The following CACNB4 variants were observed in gnomAD, a reference collection of about 807,000 sequenced individuals.
CACNB4 encodes the protein voltage-dependent L-type calcium channel subunit beta-4.
CACNB4 carries 32 observed loss-of-function variants against 71.2 expected under a neutral mutation model. The observed-to-expected ratio is 0.45, with a 90% CI of 0.34 to 0.60. CACNB4 has a LOEUF of 0.60. Ranked by LOEUF, CACNB4 falls within the 20% of genes least tolerant of loss-of-function variation. CACNB4 has a pLI of 0.01. For synonymous variants in CACNB4, 231 were observed against 236.9 expected (o/e 0.97, Z 0.23); for missense variants, 464 against 647.9 (o/e 0.72, Z 3.08).
At chr2:151,884,989 C>T (rs929548694) in intron 2 of CACNB4, among the ~76,000 whole-genome samples, 5 of 152,182 alleles carry the variant, frequency 3.3e-5, no homozygotes. Context: ...GAATCTGGTC[C>T]TTTGAAAGTT....
chr2:152,023,497 C>T (rs999510159), intron 2 of CACNB4, among the ~76,000 whole-genome samples: 4 of 152,056 alleles, frequency 2.6e-5, no homozygotes, highest in African/African-American at 4.8e-5. Context: ...TGCAATGGCG[C>T]GATCTCAGCT....
intron 2 of CACNB4, among the ~76,000 whole-genome samples, chr2:152,059,528 T>C (rs941277739): frequency 2.6e-5 from 4 of 152,266 alleles, no homozygotes; most frequent in Non-Finnish European, 5.9e-5. Context: ...GCCCCTGTTT[T>C]GGCCAATTTC....
chr2:151,898,256 C>T (rs919333818), intron 2 of CACNB4, among the ~76,000 whole-genome samples: 1 of 152,208 alleles, frequency 6.6e-6, no homozygotes. Context: ...CCTGCTGTCT[C>T]CTCTGGGCTG....
intron 2 of CACNB4, among the ~76,000 whole-genome samples, chr2:151,947,352 G>T (rs1249502365): frequency 6.6e-6 from 1 of 152,116 alleles, no homozygotes; most frequent in East Asian, 1.9e-4. Flanking sequence ...GAATCACGTG[G>T]GGTACTTATT....
chr2:151,877,172 G>A (rs1180018237), intron 4 of CACNB4, among the ~76,000 whole-genome samples: 1 of 150,860 alleles, frequency 6.6e-6, no homozygotes, highest in African/African-American at 2.4e-5. Context: ...GACTAAAGCA[G>A]GGTTCTGCAA....
intron 2 of CACNB4, among the ~76,000 whole-genome samples, chr2:152,007,481 G>A (rs1682794326): frequency 6.6e-6 from 1 of 152,132 alleles, no homozygotes; most frequent in Non-Finnish European, 1.5e-5. Flanking sequence ...TCTTCCTTTG[G>A]GGCCTGGCTT....
intron 2 of CACNB4, among the ~76,000 whole-genome samples, chr2:152,015,170 T>C (rs1683273527): frequency 6.6e-6 from 1 of 152,198 alleles, no homozygotes; most frequent in Non-Finnish European, 1.5e-5. Context: ...TCTCGCTCTG[T>C]TGCCCAGGCT....
At chr2:151,890,514 C>T (rs2099850469) in intron 2 of CACNB4, among the ~76,000 whole-genome samples, 1 of 152,184 alleles carries the variant, frequency 6.6e-6, no homozygotes, top group Admixed American at 6.5e-5. Flanking sequence ...CCTCACACAC[C>T]ATTCCACACA....
chr2:151,848,143 A>G (rs1322785748), intron 12 of CACNB4, among the ~76,000 whole-genome samples: 1 of 152,168 alleles, frequency 6.6e-6, no homozygotes, highest in East Asian at 1.9e-4. Context: ...AAGGTATCCC[A>G]TGCTTCTGTT....
At chr2:151,888,281 G>T (rs1191239428) in intron 2 of CACNB4, among the ~76,000 whole-genome samples, 6 of 152,200 alleles carry the variant, frequency 3.9e-5, no homozygotes, top group African/African-American at 1.4e-4. Context: ...ATGCAACCAG[G>T]CTGGGCATGG....
At chr2:151,865,646 A>C (rs2099842891) in intron 9 of CACNB4, 1 of 152,222 alleles carries the variant, frequency 6.6e-6, no homozygotes, top group Non-Finnish European at 1.5e-5. Context: ...TGTGAAATGA[A>C]GAGAGAAGCT....
At chr2:152,084,887 A>G (rs551674076) in intron 2 of CACNB4, among the ~76,000 whole-genome samples, 1 of 152,112 alleles carries the variant, frequency 6.6e-6, no homozygotes, top group East Asian at 1.9e-4. Context: ...AGCTTCCCAA[A>G]GTGCTGGGAT....
intron 2 of CACNB4, among the ~76,000 whole-genome samples, chr2:151,982,330 C>A (rs1266201470): frequency 6.6e-6 from 1 of 152,034 alleles, no homozygotes; most frequent in African/African-American, 2.4e-5. Context: ...CACATTACAC[C>A]CTTAAAAAGA....
In CACNB4 at chr2:152,098,952, C is replaced by T. The variant is rs1409044962; in HGVS notation, c.60G>A (p.Ser20=). 2 of 1,473,670 alleles carry T rather than the reference C, an allele frequency of 1.4e-6. No individual in the cohort carries two copies. The highest frequency in any genetic ancestry group is 1.8e-6 in the Non-Finnish European group (2 of 1,111,846). 91.3% of individuals were successfully genotyped at this position (1,473,670 alleles called of 1,614,324 possible). ...GTADGPHSPT[S]QVARGTTTRR... ...AAGGGGGAGGAGGGGGCGGTACCTG[C>T]GAGGTGGGGGAGTGCGGCCCGTCCG... is the stretch of plus-strand genomic sequence containing the variant. The change falls in exon 1 of 14, where the codon TCG becomes TCA. Residue 20 remains serine, a synonymous_variant. Coordinates refer to ENST00000539935, the MANE Select transcript of CACNB4 (RefSeq NM_000726.5). The surrounding 1 kb of genome is among the most constrained non-coding windows in gnomAD (Gnocchi z 5.3).
At chr2:151,997,755 T>C (rs988577891) in intron 2 of CACNB4, among the ~76,000 whole-genome samples, 21 of 152,302 alleles carry the variant, frequency 1.4e-4, no homozygotes, top group Non-Finnish European at 2.8e-4. Context: ...CCCCTACAAC[T>C]GTGAGAAAAT....
At chr2:151,911,579 G>GT (rs1553771146) in intron 2 of CACNB4, among the ~76,000 whole-genome samples, 1 of 152,184 alleles carries the variant, frequency 6.6e-6, no homozygotes, top group Non-Finnish European at 1.5e-5. Context: ...CAGTTTGCCA[G>GT]TATTTTATTG....
chr2:152,034,031 G>A (rs1055511679), intron 2 of CACNB4, among the ~76,000 whole-genome samples: 1 of 152,052 alleles, frequency 6.6e-6, no homozygotes, highest in Non-Finnish European at 1.5e-5. Context: ...GGAAAATTAA[G>A]TTCAACAGTT....
chr2:152,063,987 C>A (rs1479106450), intron 2 of CACNB4, among the ~76,000 whole-genome samples: 2 of 152,208 alleles, frequency 1.3e-5, no homozygotes, highest in African/African-American at 2.4e-5. Context: ...CAGGCTGACA[C>A]CCCTGTTCTA....
chr2:151,902,571 T>G (rs1350507083), intron 2 of CACNB4, among the ~76,000 whole-genome samples: 1 of 152,210 alleles, frequency 6.6e-6, no homozygotes, highest in Non-Finnish European at 1.5e-5. Flanking sequence ...CTTGACATAT[T>G]CTCTATGAAC....
Sources: allele counts gnomAD v4.1 joint callset (sites outside exome capture counted in the v4.1 genomes callset), GRCh38; gene constraint gnomAD v4.1.1; non-coding constraint Gnocchi (gnomAD v3.1); transcripts MANE v1.5; gene names NCBI Gene and HGNC (gene_info 2026-07-23, HGNC 2026-07-21).